Variants in WDR7 observed in about 807,000 individuals in gnomAD.
WDR7 encodes WD repeat domain 7, also known as WD repeat-containing protein 7.
In WDR7, 46 loss-of-function variants were observed where a neutral mutation model predicts 169.4. The ratio of observed to expected loss-of-function variants is 0.27; its 90% CI spans 0.21 to 0.35. WDR7 has a LOEUF of 0.35. Ranked by LOEUF, WDR7 falls within the 10% of genes least tolerant of loss-of-function variation. WDR7 has a pLI of 1.00. For missense variants in WDR7, 1,534 were observed against 1,859.3 expected (o/e 0.83, Z 3.22); for synonymous variants, 612 against 666.8 (o/e 0.92, Z 1.27).
intron 1 of WDR7, among the ~76,000 whole-genome samples, chr18:56,660,230 A>G (rs2024875284): frequency 6.6e-6 from 1 of 152,172 alleles, no homozygotes; most frequent in Non-Finnish European, 1.5e-5. Flanking sequence ...GGACATGCCA[A>G]GTTTGAGAAA....
intron 26 of WDR7, among the ~76,000 whole-genome samples, chr18:57,002,444 A>AGGG (rs2047996640): frequency 6.6e-6 from 1 of 152,198 alleles, no homozygotes; most frequent in Non-Finnish European, 1.5e-5. Flanking sequence ...CTTTAGCTGC[A>AGGG]TACATTTTTG....
Position 56,741,148 on chromosome 18 carries a change from T to C in WDR7, c.1989+9551T>C, listed in dbSNP as rs1029782027. 2.6e-5 allele frequency among the ~76,000 whole-genome samples: 4 copies of C among 152,166 alleles called. No individual in the cohort carries two copies. The East Asian group carries it at 5.8e-4, about 22-fold the overall frequency. ...TTGAGCTATGAATGCTTTTTATATT[T>C]TAAAAATATTATTAAGAATATGTGA... On this transcript the variant is annotated intron_variant, in intron 14 of 27. Transcript: ENST00000254442.
At chr18:56,828,443 C>G (rs1382400779) in intron 20 of WDR7, among the ~76,000 whole-genome samples, 3 of 152,100 alleles carry the variant, frequency 2.0e-5, no homozygotes, top group Admixed American at 1.3e-4. Context: ...ATAATGGAGA[C>G]AAGCTTTCCG....
intron 14 of WDR7, among the ~76,000 whole-genome samples, chr18:56,739,873 G>T (rs2043588400): frequency 8.2e-6 from 1 of 122,352 alleles, no homozygotes; most frequent in African/African-American, 2.7e-5. Flanking sequence ...ATACCTAGAT[G>T]TGATTTTTTT....
chr18:57,011,049 G>A (rs2048128932), intron 26 of WDR7, among the ~76,000 whole-genome samples: 1 of 152,124 alleles, frequency 6.6e-6, no homozygotes, highest in African/African-American at 2.4e-5. Context: ...GGATCTTAGT[G>A]AAAATATAAG....
At chr18:56,743,053 TGTGA>T (rs1177757164) in intron 14 of WDR7, among the ~76,000 whole-genome samples, 1 of 152,180 alleles carries the variant, frequency 6.6e-6, no homozygotes, top group East Asian at 1.9e-4. Flanking sequence ...AAGAGCTATT[TGTGA>T]GTTAGATTCG....
chr18:57,006,034 T>A (rs570750871), intron 26 of WDR7, among the ~76,000 whole-genome samples: 1 of 152,344 alleles, frequency 6.6e-6, no homozygotes, highest in African/African-American at 2.4e-5. Flanking sequence ...CTCATATACT[T>A]ACTCCTAAAG....
chr18:56,896,739 A>T (rs894954922), intron 21 of WDR7, among the ~76,000 whole-genome samples: 3 of 151,882 alleles, frequency 2.0e-5, no homozygotes, highest in Non-Finnish European at 4.4e-5. Context: ...GAAAGATGAT[A>T]TAGGAAAATA....
At chr18:56,823,876 A>T (rs2045148938) in intron 20 of WDR7, among the ~76,000 whole-genome samples, 1 of 152,126 alleles carries the variant, frequency 6.6e-6, no homozygotes, top group Non-Finnish European at 1.5e-5. Flanking sequence ...TCTTCAGATT[A>T]TCGTTGCATT....
At chr18:56,654,381 C>T (rs1230876247) in intron 1 of WDR7, among the ~76,000 whole-genome samples, 2 of 152,196 alleles carry the variant, frequency 1.3e-5, no homozygotes, top group Non-Finnish European at 2.9e-5. Context: ...CTGCCTGCCT[C>T]AGCCTCCCAA....
At chr18:57,024,278 C>T (rs930124977) in intron 27 of WDR7, among the ~76,000 whole-genome samples, 3 of 152,122 alleles carry the variant, frequency 2.0e-5, no homozygotes, top group South Asian at 2.1e-4. Flanking sequence ...GATGTCCTTA[C>T]TCGAGCATCG....
intron 20 of WDR7, among the ~76,000 whole-genome samples, chr18:56,849,444 G>A (rs755185403): frequency 3.3e-4 from 50 of 152,110 alleles, no homozygotes; most frequent in Middle Eastern, 3.2e-3. Context: ...CCTTTTCTAA[G>A]CTTCCTTGTG....
intron 6 of WDR7, 38 bp downstream of exon 6, chr18:56,686,070 A>T: frequency 6.5e-7 from 1 of 1,542,654 alleles, no homozygotes; most frequent in Non-Finnish European, 8.7e-7. Flanking sequence ...CTCTGTTTTT[A>T]TTCTCTGTAG....
chr18:56,858,485 A>G (rs2045755676), intron 20 of WDR7, among the ~76,000 whole-genome samples: 2 of 151,944 alleles, frequency 1.3e-5, no homozygotes, highest in African/African-American at 4.8e-5. Context: ...GATTTTTATC[A>G]TTTATTTTTT....
chr18:56,808,144 C>T (rs990058686), intron 19 of WDR7, among the ~76,000 whole-genome samples: 3 of 152,134 alleles, frequency 2.0e-5, no homozygotes, highest in Admixed American at 6.6e-5. Flanking sequence ...GGCAGGCTGT[C>T]TGTCTGTCAT....
At chr18:57,032,806 TATATA>T (rs2048448706), downstream of WDR7, 2 of 14,538 alleles carry the variant, frequency 1.4e-4, no homozygotes, top group African/African-American at 4.4e-4. Flanking sequence ...TTATTTTATA[TATATA>T]TATATATATA....
Position 56,731,443 on chromosome 18 carries a change from A to G in WDR7, c.1835A>G (p.Glu612Gly). ...TAVEILNACDEAVPAAVDSLS... is the reference protein window; with the variant it reads ...TAVEILNACDGAVPAAVDSLS... ...GTTGAGATTCTAAACGCTTGTGATG[A>G]AGCTGTTCCTGCTGCTGTTGATTCA... is the stretch of plus-strand genomic sequence containing the variant. Residue 612 changes from glutamate to glycine, a missense_variant, in exon 14 of 28, where the codon GAA (glutamate) becomes GGA (glycine). By Grantham distance (98) the Glu-to-Gly change is moderately conservative (BLOSUM62 -2). Transcript: ENST00000254442. The G allele has an allele frequency of 6.2e-7, 1 of 1,614,182 alleles. No homozygotes were observed. Among genetic ancestry groups the G allele is most frequent in the South Asian group, 1.1e-5 (1 of 91,082 alleles).
At chr18:56,765,446 C>T (rs117656774) in intron 16 of WDR7, among the ~76,000 whole-genome samples, 5 of 151,398 alleles carry the variant, frequency 3.3e-5, no homozygotes, top group South Asian at 2.1e-4. Context: ...TATGTCTTTC[C>T]GTTATCACAG....
At chr18:56,714,694 G>GTGAGCCAA (rs1598984137) in intron 12 of WDR7, among the ~76,000 whole-genome samples, 1 of 152,118 alleles carries the variant, frequency 6.6e-6, no homozygotes, top group East Asian at 1.9e-4. Flanking sequence ...TATTATAGGT[G>GTGAGCCAA]TGAGCCACTG....
Sources: allele counts gnomAD v4.1 joint callset (sites outside exome capture counted in the v4.1 genomes callset), GRCh38; gene constraint gnomAD v4.1.1; transcripts MANE v1.5; gene names NCBI Gene and HGNC (gene_info 2026-07-23, HGNC 2026-07-21).